Variants in EPHA7 observed in about 807,000 individuals in gnomAD.
The protein encoded by EPHA7 is ephrin type-A receptor 7.
Under a neutral mutation model 112.6 loss-of-function variants are expected in EPHA7, and 25 were observed. The observed-to-expected ratio is 0.22, with a 90% confidence interval of 0.16 to 0.31. EPHA7 has a LOEUF of 0.31. EPHA7 is among the 10% of genes least tolerant of loss of function. The pLI, the probability that EPHA7 is intolerant of heterozygous loss-of-function variation, is 1.00. For missense variants in EPHA7, 962 were observed against 1,212.6 expected, an observed-to-expected ratio of 0.79 and a Z score of 3.07; for synonymous variants, 437 against 406.5, an observed-to-expected ratio of 1.07 and a Z score of -0.90.
At chr6:93,307,569 A>G (rs930416551) in intron 5 of EPHA7, among the ~76,000 whole-genome samples, 2 of 152,180 alleles carry the variant, frequency 1.3e-5, no homozygotes, top group African/African-American at 4.8e-5. Flanking sequence ...TAAGTTTTAC[A>G]CTGTAAAGCA....
chr6:93,384,171 T>C (rs1270495082), intron 3 of EPHA7, among the ~76,000 whole-genome samples: 1 of 152,170 alleles, frequency 6.6e-6, no homozygotes, highest in Non-Finnish European at 1.5e-5. Flanking sequence ...CCTAATGTCA[T>C]GTGTTACCCT....
chr6:93,328,741 G>C (rs948601832), intron 5 of EPHA7, among the ~76,000 whole-genome samples: 1 of 151,314 alleles, frequency 6.6e-6, no homozygotes, highest in Non-Finnish European at 1.5e-5. Flanking sequence ...AATTCTCATA[G>C]AAGCCCTACA....
chr6:93,414,679 T>C, intron 2 of EPHA7, 24 bp downstream of exon 2: 1 of 1,576,668 alleles, frequency 6.3e-7, no homozygotes, highest in Non-Finnish European at 8.7e-7. Flanking sequence ...AAAAAAGTGA[T>C]ATTTTATGAT....
rs1769750434 is a variant in EPHA7, at chr6:93,242,991, G to A, written c.*435C>T. Reference sequence around the variant, plus strand: ...CTTTCTAAAACAAAGTCCTTATGAAGAATAAACACAAATGATTTTAAAAAG... The same window carrying A: ...CTTTCTAAAACAAAGTCCTTATGAAAAATAAACACAAATGATTTTAAAAAG... On this transcript the variant is annotated 3_prime_UTR_variant, in exon 17 of 17. Transcript: ENST00000369303. 4.6e-6 allele frequency: 1 copy of A among 219,250 alleles called. No homozygotes were observed. The highest frequency in any genetic ancestry group is 5.8e-5 in the Admixed American group (1 of 17,292). 13.6% of individuals were successfully genotyped at this position (219,250 alleles called of 1,614,324 possible).
At chr6:93,310,522 G>A (rs778386179) in intron 5 of EPHA7, among the ~76,000 whole-genome samples, 6 of 151,976 alleles carry the variant, frequency 3.9e-5, no homozygotes, top group Non-Finnish European at 8.8e-5. Flanking sequence ...GAAGTTAGCC[G>A]GGCGTGGTGG....
chr6:93,414,721 A>G lies in EPHA7; in HGVS notation c.144T>C (p.Ile48=). 6.2e-7 allele frequency: 1 copy of G among 1,612,300 alleles called. No individual in the cohort carries two copies. Among genetic ancestry groups the G allele is most frequent in the Non-Finnish European group, 8.5e-7 (1 of 1,178,796 alleles). The change falls in exon 2 of 17, where the codon ATT becomes ATC. Residue 48 remains isoleucine (I), a synonymous_variant. Transcript: ENST00000369303. ...SKAQQTELEW[I]SSPPNGWEEI... ...AACTTACCCCATTGGGTGGAGAGGA[A>G]ATCCACTCCAACTCTGTTTGTTGTG...
chr6:93,280,154 A>G (rs1771660409), intron 5 of EPHA7, among the ~76,000 whole-genome samples: 1 of 152,178 alleles, frequency 6.6e-6, no homozygotes, highest in Admixed American at 6.5e-5. Context: ...AACAATCTAA[A>G]TGCAAAACTA....
At chr6:93,403,358 T>TAAA (rs61376259) in intron 3 of EPHA7, among the ~76,000 whole-genome samples, 60 of 145,384 alleles carry the variant, frequency 4.1e-4, no homozygotes, top group East Asian at 1.8e-3. Context: ...GGCGGGTAGG[T>TAAA]AAAAAAAAAA....
chr6:93,399,934 A>C (rs1036738813), intron 3 of EPHA7, among the ~76,000 whole-genome samples: 1 of 152,150 alleles, frequency 6.6e-6, no homozygotes, highest in Non-Finnish European at 1.5e-5. Context: ...TCTTTAAGGC[A>C]CACTCAAACT....
At chr6:93,405,783 A>ATGTG (rs371052750) in intron 3 of EPHA7, among the ~76,000 whole-genome samples, 148 of 95,258 alleles carry the variant, frequency 1.6e-3, no homozygotes, top group East Asian at 8.6e-3. Flanking sequence ...TTCTGTATAT[A>ATGTG]TGTGTGTGTG....
chr6:93,355,098 C>T (rs898717249), intron 5 of EPHA7, among the ~76,000 whole-genome samples: 1 of 151,972 alleles, frequency 6.6e-6, no homozygotes, highest in Admixed American at 6.6e-5. Context: ...CTTATGACAA[C>T]AGCATTTTAA....
chr6:93,362,637 T>G (rs569143176), intron 3 of EPHA7, among the ~76,000 whole-genome samples: 1 of 152,210 alleles, frequency 6.6e-6, no homozygotes, highest in African/African-American at 2.4e-5. Flanking sequence ...GTTTAAGCAA[T>G]GGGATGCCAG....
chr6:93,252,164 A>G (rs1770246392), intron 14 of EPHA7, among the ~76,000 whole-genome samples: 1 of 152,130 alleles, frequency 6.6e-6, no homozygotes, highest in Middle Eastern at 3.4e-3. Context: ...TCAGGTTACA[A>G]AAACCTCACT....
chr6:93,257,936 G>T (rs1487817346), intron 11 of EPHA7, among the ~76,000 whole-genome samples, 163 bp downstream of exon 11: 1 of 151,640 alleles, frequency 6.6e-6, no homozygotes, highest in African/African-American at 2.4e-5. Context: ...TTTCCCTTGA[G>T]GTGATAACAT....
chr6:93,319,638 T>C (rs1024205156), intron 5 of EPHA7, among the ~76,000 whole-genome samples: 1 of 152,068 alleles, frequency 6.6e-6, no homozygotes, highest in African/African-American at 2.4e-5. Context: ...ACTGCTGTGA[T>C]TGAGAACTGG....
At chr6:93,326,480 G>C (rs147312267) in intron 5 of EPHA7, among the ~76,000 whole-genome samples, 170 of 151,580 alleles carry the variant, frequency 1.1e-3, no homozygotes, top group African/African-American at 3.8e-3. Flanking sequence ...GAGAAAGGCT[G>C]ACTAGAAAGT....
chr6:93,286,412 T>G (rs1359708270), intron 5 of EPHA7, among the ~76,000 whole-genome samples: 1 of 152,144 alleles, frequency 6.6e-6, no homozygotes, highest in Non-Finnish European at 1.5e-5. Flanking sequence ...TTCCCTAGGC[T>G]GGGAAATGGA....
intron 3 of EPHA7, among the ~76,000 whole-genome samples, chr6:93,398,470 T>C (rs191583287): frequency 6.6e-6 from 1 of 152,200 alleles, no homozygotes; most frequent in East Asian, 1.9e-4. Flanking sequence ...GTATGATTTG[T>C]AATTTTTATT....
intron 3 of EPHA7, among the ~76,000 whole-genome samples, chr6:93,361,219 A>G (rs575705200): frequency 6.6e-6 from 1 of 152,246 alleles, no homozygotes; most frequent in East Asian, 1.9e-4. Flanking sequence ...CTTTGAAGTA[A>G]TATTCTGTCT....
Sources: gnomAD v4.1 joint callset for allele counts (sites outside exome capture counted in the v4.1 genomes callset) on GRCh38, gnomAD v4.1.1 for gene constraint, MANE v1.5 for transcripts, NCBI Gene and HGNC (gene_info 2026-07-23, HGNC 2026-07-21) for gene names.